Variants in GUCA1C observed in about 807,000 individuals in gnomAD.
GUCA1C encodes guanylyl cyclase-activating protein 3.
GUCA1C carries 15 observed loss-of-function variants against 16.2 expected under a neutral mutation model. That is an observed-to-expected ratio of 0.93 (90% CI 0.62 to 1.43). The LOEUF (loss-of-function observed/expected upper bound fraction) is 1.43. Ranked by LOEUF, GUCA1C falls within the 40% of genes most tolerant of loss-of-function variation. GUCA1C has a pLI of 0.00. For synonymous variants in GUCA1C, 78 were observed against 85.4 expected (o/e 0.91, Z 0.48); for missense variants, 275 against 244.8 (o/e 1.12, Z -0.82).
Position 108,949,825 on chromosome 3 carries a change from G to A in GUCA1C, c.204+3734C>T, listed in dbSNP as rs556477361. On this transcript the variant is annotated intron_variant, in intron 1 of 3. Transcript: ENST00000261047. The stretch of plus-strand genomic sequence containing the variant: ...TATGTTATTTTTATGTGTATTCAAT[G>A]TGAGATGATTAAAAGAAGCTAATTT... Among the ~76,000 whole-genome samples, 30 of 152,210 alleles carry A rather than the reference G, an allele frequency of 2.0e-4. No individual in the cohort carries two copies. In the South Asian group the frequency reaches 6.2e-3, roughly 32 times the overall value.
chr3:108,947,092 T>A (rs756406539), intron 1 of GUCA1C, among the ~76,000 whole-genome samples: 3 of 152,126 alleles, frequency 2.0e-5, no homozygotes, highest in Non-Finnish European at 4.4e-5. Flanking sequence ...AGTTAATCAT[T>A]TCACAATGTA....
At position 108,909,991 on chromosome 3, in the gene GUCA1C, C is replaced by T. The variant is rs539663341; in HGVS notation, c.443-1782G>A. Among the ~76,000 whole-genome samples the T allele has an allele frequency of 5.9e-5, 9 of 152,270 alleles. No individual in the cohort carries two copies. The East Asian group carries it at 1.5e-3, about 26-fold the overall frequency. ...ACCATTTCTATTACCACACAGCTAC[C>T]GCCACTATAGCCGACGACAGTGCTA... On this transcript the variant is annotated intron_variant, in intron 3 of 3. Coordinates refer to ENST00000261047, the MANE Select transcript of GUCA1C (RefSeq NM_005459.4).
chr3:108,949,759 A>G (rs1946879675), intron 1 of GUCA1C, among the ~76,000 whole-genome samples: 1 of 152,204 alleles, frequency 6.6e-6, no homozygotes, highest in African/African-American at 2.4e-5. Flanking sequence ...TTATTAAGGA[A>G]TAGTTGACAA....
In GUCA1C at chr3:108,935,128, G is replaced by A. The variant is rs572162345; in HGVS notation, c.205-14543C>T. ...ACACCTGGCCTGTTCTTGCTCTTAA[G>A]TAGGAGCTAAACGTTGGGTACTCAT... is the stretch of plus-strand genomic sequence containing the variant. On this transcript the variant is annotated intron_variant, in intron 1 of 3. Coordinates refer to ENST00000261047, the MANE Select transcript of GUCA1C (RefSeq NM_005459.4). Among the ~76,000 whole-genome samples the A allele has an allele frequency of 2.0e-5, 3 of 151,924 alleles. No individual in the cohort carries two copies. In the South Asian group the frequency reaches 6.3e-4, roughly 32 times the overall value.
chr3:108,921,199 T>C (rs1025318544), intron 1 of GUCA1C, among the ~76,000 whole-genome samples: 2 of 152,204 alleles, frequency 1.3e-5, no homozygotes, highest in African/African-American at 4.8e-5. Context: ...GTATATAGTA[T>C]GTAGCTTTTT....
intron 1 of GUCA1C, among the ~76,000 whole-genome samples, chr3:108,924,882 A>T (rs1028291392): frequency 7.9e-5 from 12 of 152,060 alleles, no homozygotes; most frequent in African/African-American, 2.4e-4. Flanking sequence ...CCAGGACTTT[A>T]TCCATTTCCT....
chr3:108,915,398 CT>C (rs1946497980), intron 3 of GUCA1C, among the ~76,000 whole-genome samples: 2 of 152,198 alleles, frequency 1.3e-5, no homozygotes, highest in African/African-American at 4.8e-5. Flanking sequence ...ATTCCTAGAT[CT>C]TCTGCCTCAA....
At chr3:108,927,828 T>C (rs1432545939) in intron 1 of GUCA1C, among the ~76,000 whole-genome samples, 1 of 152,184 alleles carries the variant, frequency 6.6e-6, no homozygotes, top group African/African-American at 2.4e-5. Context: ...TCTGGTTCCT[T>C]CTCATTTGGG....
At chr3:108,914,060 CA>C (rs1385042559) in intron 3 of GUCA1C, among the ~76,000 whole-genome samples, 1 of 152,036 alleles carries the variant, frequency 6.6e-6, no homozygotes, top group East Asian at 1.9e-4. Flanking sequence ...AGCAAGACTC[CA>C]TTTTAAATAA....
intron 1 of GUCA1C, among the ~76,000 whole-genome samples, chr3:108,926,617 A>G (rs2107292572): frequency 6.6e-6 from 1 of 152,192 alleles, no homozygotes; most frequent in South Asian, 2.1e-4. Context: ...AGTAGCTGGG[A>G]CTACAGGTGC....
At chr3:108,923,654 A>G (rs1946591786) in intron 1 of GUCA1C, among the ~76,000 whole-genome samples, 1 of 151,938 alleles carries the variant, frequency 6.6e-6, no homozygotes, top group Admixed American at 6.6e-5. Flanking sequence ...TTGTTGTTCC[A>G]TATGAATTTT....
chr3:108,954,279 T>A (rs1256064421), upstream of GUCA1C, among the ~76,000 whole-genome samples: 1 of 152,130 alleles, frequency 6.6e-6, no homozygotes, highest in Non-Finnish European at 1.5e-5. Context: ...TTAGATAACA[T>A]TTTACATGAA....
intron 1 of GUCA1C, among the ~76,000 whole-genome samples, chr3:108,925,504 A>G (rs535301645): frequency 9.2e-5 from 14 of 152,106 alleles, no homozygotes; most frequent in African/African-American, 9.6e-5. Flanking sequence ...CATAATTTCA[A>G]TTTTCTCAAA....
chr3:108,921,940 C>T (rs537121793), intron 1 of GUCA1C, among the ~76,000 whole-genome samples: 73 of 152,150 alleles, frequency 4.8e-4, no homozygotes, highest in African/African-American at 1.7e-3. Context: ...CACCCTCTAC[C>T]CTTTCCCCAA....
intron 1 of GUCA1C, among the ~76,000 whole-genome samples, chr3:108,941,300 A>C (rs762227490): frequency 1.4e-4 from 22 of 152,166 alleles, no homozygotes; most frequent in Non-Finnish European, 2.8e-4. Flanking sequence ...CTGCTAACTG[A>C]AAATAACAAC....
In GUCA1C at chr3:108,925,906, G is replaced by A. The variant is rs181667821; in HGVS notation, c.205-5321C>T. 6.5e-4 allele frequency among the ~76,000 whole-genome samples: 99 copies of A among 152,248 alleles called. 1 individual carries two copies. Among genetic ancestry groups the A allele is most frequent in the Admixed American group, 2.9e-3 (44 of 15,296 alleles). Reference sequence around the variant, plus strand: ...GTTTGAGACCAGACTGACCAACATGGTGAAACCCTGTCTCTACTAAAAATA... The same window carrying A: ...GTTTGAGACCAGACTGACCAACATGATGAAACCCTGTCTCTACTAAAAATA... On this transcript the variant is annotated intron_variant, in intron 1 of 3. Coordinates refer to ENST00000261047, the MANE Select transcript of GUCA1C (RefSeq NM_005459.4).
chr3:108,908,352 T>TA lies in GUCA1C; in HGVS notation c.443-144dup, dbSNP rs1468970590. The TA allele has an allele frequency of 7.9e-3, 2,735 of 346,870 alleles. 93 individuals carry two copies. The highest frequency in any genetic ancestry group is 0.063 in the African/African-American group (2,306 of 36,568). 21.5% of individuals were successfully genotyped at this position (346,870 alleles called of 1,614,324 possible). On this transcript the variant is annotated intron_variant, in intron 3 of 3. Coordinates refer to ENST00000261047, the MANE Select transcript of GUCA1C (RefSeq NM_005459.4). The stretch of plus-strand genomic sequence containing the variant: ...TCTAAGATCTTTGAAGATCTTCATT[T>TA]AAACAAAAAAAAAAAAAAAAAGCAT...
At chr3:108,930,338 T>C (rs1342981832) in intron 1 of GUCA1C, among the ~76,000 whole-genome samples, 3 of 152,214 alleles carry the variant, frequency 2.0e-5, no homozygotes, top group Non-Finnish European at 4.4e-5. Flanking sequence ...GTGTTACGTG[T>C]TTGACTGAGT....
At chr3:108,914,412 A>G (rs752908235) in intron 3 of GUCA1C, among the ~76,000 whole-genome samples, 1 of 152,216 alleles carries the variant, frequency 6.6e-6, no homozygotes, top group Non-Finnish European at 1.5e-5. Flanking sequence ...CGAATACACT[A>G]TCTGTGTCCT....
Sources: allele counts gnomAD v4.1 joint callset (sites outside exome capture counted in the v4.1 genomes callset), GRCh38; gene constraint gnomAD v4.1.1; transcripts MANE v1.5; gene names NCBI Gene and HGNC (gene_info 2026-07-23, HGNC 2026-07-21).